CCSER1: variants seen among roughly 807,000 people sequenced by gnomAD.
The protein encoded by CCSER1 is serine-rich coiled-coil domain-containing protein 1.
In CCSER1, 41 loss-of-function variants were observed where a neutral mutation model predicts 82.0. The observed-to-expected ratio is 0.50, with a 90% CI of 0.39 to 0.65. The LOEUF (loss-of-function observed/expected upper bound fraction) is 0.65, where lower values mean the gene tolerates loss of function less well. Among genes scored for constraint, CCSER1 ranks in the 30% least tolerant of loss-of-function variants. The probability of loss-of-function intolerance (pLI) is 0.00; values close to 1 mark genes in which losing one functional copy is unlikely to be tolerated. For missense variants in CCSER1, 1,119 were observed against 1,064.2 expected, an observed-to-expected ratio of 1.05 and a Z score of -0.72; for synonymous variants, 414 against 383.9, an observed-to-expected ratio of 1.08 and a Z score of -0.92.
At chr4:90,548,265 G>A (rs1777020460) in intron 5 of CCSER1, among the ~76,000 whole-genome samples, 1 of 152,144 alleles carries the variant, frequency 6.6e-6, no homozygotes, top group Non-Finnish European at 1.5e-5. Flanking sequence ...GCAGTCACTT[G>A]CTCCACTCCA....
chr4:90,152,057 T>G (rs975743512), intron 1 of CCSER1, among the ~76,000 whole-genome samples: 3 of 152,198 alleles, frequency 2.0e-5, no homozygotes, highest in Non-Finnish European at 4.4e-5. Flanking sequence ...CATATCATTT[T>G]AAAATGTTTT....
intron 9 of CCSER1, among the ~76,000 whole-genome samples, chr4:91,037,868 A>C: frequency 6.6e-6 from 1 of 152,234 alleles, no homozygotes. Flanking sequence ...ATAATGAATC[A>C]ATTTTTCTGA....
intron 3 of CCSER1, among the ~76,000 whole-genome samples, chr4:90,340,252 T>G (rs866205417): frequency 6.6e-6 from 1 of 152,166 alleles, no homozygotes; most frequent in African/African-American, 2.4e-5. Flanking sequence ...ATTTTTACCT[T>G]AGAATACACA....
chr4:91,390,997 G>T (rs1751610933), intron 10 of CCSER1, among the ~76,000 whole-genome samples: 1 of 151,800 alleles, frequency 6.6e-6, no homozygotes, highest in Non-Finnish European at 1.5e-5. Context: ...GAGGCTTATT[G>T]ATATTATTGA....
At chr4:91,109,056 T>A (rs1725871918) in intron 10 of CCSER1, among the ~76,000 whole-genome samples, 1 of 152,118 alleles carries the variant, frequency 6.6e-6, no homozygotes. Flanking sequence ...ACATCAGAAC[T>A]CCAGATTCTC....
At chr4:90,815,118 A>T (rs1758827911) in intron 7 of CCSER1, among the ~76,000 whole-genome samples, 1 of 152,178 alleles carries the variant, frequency 6.6e-6, no homozygotes, top group Admixed American at 6.5e-5. Context: ...ACTTACAATC[A>T]TGGTGGAAGG....
chr4:91,350,336 T>C (rs1748388449), intron 10 of CCSER1, among the ~76,000 whole-genome samples: 1 of 152,190 alleles, frequency 6.6e-6, no homozygotes, highest in African/African-American at 2.4e-5. Context: ...CATATACTTA[T>C]AAATTGGTTA....
At chr4:90,993,834 T>A (rs1429486389) in intron 9 of CCSER1, among the ~76,000 whole-genome samples, 1 of 152,102 alleles carries the variant, frequency 6.6e-6, no homozygotes, top group Admixed American at 6.6e-5. Context: ...ACATACGAAT[T>A]TTGAGAAGAC....
intron 10 of CCSER1, among the ~76,000 whole-genome samples, chr4:91,330,737 G>A (rs1353160339): frequency 6.6e-6 from 1 of 152,110 alleles, no homozygotes; most frequent in African/African-American, 2.4e-5. Flanking sequence ...TCTATAACAA[G>A]TATCCTTCCC....
intron 8 of CCSER1, among the ~76,000 whole-genome samples, chr4:90,841,226 G>A (rs1762524378): frequency 6.6e-6 from 1 of 152,120 alleles, no homozygotes; most frequent in South Asian, 2.1e-4. Context: ...TCATTCTTAA[G>A]AAAGCAGGAA....
At chr4:90,297,423 A>G (rs545605951) in intron 1 of CCSER1, among the ~76,000 whole-genome samples, 1 of 152,076 alleles carries the variant, frequency 6.6e-6, no homozygotes, top group Admixed American at 6.5e-5. Flanking sequence ...TAGATATATA[A>G]TCATGTCATC....
At chr4:90,555,575 T>G (rs1251620175) in intron 5 of CCSER1, among the ~76,000 whole-genome samples, 1 of 152,102 alleles carries the variant, frequency 6.6e-6, no homozygotes, top group Non-Finnish European at 1.5e-5. Flanking sequence ...TTTACACCTT[T>G]GCAAGTGTCA....
At chr4:90,727,233 C>T (rs766306653) in intron 7 of CCSER1, 2 of 456,094 alleles carry the variant, frequency 4.4e-6, no homozygotes, top group South Asian at 3.1e-5. Flanking sequence ...ACTGTACACA[C>T]ATATGGTCTG....
At chr4:91,522,580 G>T (rs1760541122) in intron 10 of CCSER1, among the ~76,000 whole-genome samples, 2 of 152,096 alleles carry the variant, frequency 1.3e-5, no homozygotes, top group Non-Finnish European at 2.9e-5. Flanking sequence ...CCTTGAAGAA[G>T]TCCTTCACAT....
intron 8 of CCSER1, among the ~76,000 whole-genome samples, chr4:90,883,052 A>C (rs1721578372): frequency 6.6e-6 from 1 of 152,014 alleles, no homozygotes; most frequent in Non-Finnish European, 1.5e-5. Flanking sequence ...AGGTCTAGAG[A>C]GGTAAGTAAC....
intron 7 of CCSER1, among the ~76,000 whole-genome samples, chr4:90,745,519 T>G (rs7670293): frequency 0.13 from 20,281 of 152,150 alleles, 1,663 homozygotes; most frequent in Non-Finnish European, 0.18. Flanking sequence ...ATCAGGATTT[T>G]ATTTCTTACC....
At chr4:91,057,052 C>A (rs578230233) in intron 9 of CCSER1, among the ~76,000 whole-genome samples, 1 of 152,204 alleles carries the variant, frequency 6.6e-6, no homozygotes, top group Non-Finnish European at 1.5e-5. Flanking sequence ...TGGCTGTTCA[C>A]CTCTGTGTCT....
At chr4:91,586,096 A>G (rs73836245) in intron 10 of CCSER1, among the ~76,000 whole-genome samples, 16,535 of 151,488 alleles carry the variant, frequency 0.11, 927 homozygotes, top group Middle Eastern at 0.18. Flanking sequence ...GTGTAGAGGT[A>G]GAAGGAGAAT....
At chr4:90,971,572 C>A (rs1735113328) in intron 9 of CCSER1, among the ~76,000 whole-genome samples, 1 of 151,910 alleles carries the variant, frequency 6.6e-6, no homozygotes, top group Non-Finnish European at 1.5e-5. Flanking sequence ...CTAGTGAATT[C>A]CACAAACATT....
Sources: allele counts gnomAD v4.1 joint callset (sites outside exome capture counted in the v4.1 genomes callset), GRCh38; gene constraint gnomAD v4.1.1; transcripts MANE v1.5; gene names NCBI Gene and HGNC (gene_info 2026-07-23, HGNC 2026-07-21).